SEMA3E: variants seen among roughly 807,000 people sequenced by gnomAD.
The protein encoded by SEMA3E is semaphorin 3E.
In SEMA3E, 49 loss-of-function variants were observed where a neutral mutation model predicts 93.6. That is an observed-to-expected ratio of 0.52 (90% CI 0.42 to 0.66). The LOEUF (loss-of-function observed/expected upper bound fraction) is 0.66. Ranked by LOEUF, SEMA3E falls within the 30% of genes least tolerant of loss-of-function variation. The pLI is 0.00. For synonymous variants in SEMA3E, 363 were observed against 330.7 expected, an observed-to-expected ratio of 1.10 and a Z score of -1.06; for missense variants, 906 against 964.8, an observed-to-expected ratio of 0.94 and a Z score of 0.81.
intron 1 of SEMA3E, among the ~76,000 whole-genome samples, chr7:83,644,497 A>G (rs1445401234): frequency 6.6e-6 from 1 of 152,008 alleles, no homozygotes; most frequent in African/African-American, 2.4e-5. Context: ...CATTAATAAT[A>G]TAAATAGTTT....
chr7:83,628,689 T>C (rs1020236214), intron 1 of SEMA3E, among the ~76,000 whole-genome samples: 3 of 152,034 alleles, frequency 2.0e-5, no homozygotes, highest in African/African-American at 7.2e-5. Flanking sequence ...TCCTGTAACC[T>C]TTTATCAAGG....
rs886670250 is a variant in SEMA3E at position 83,365,677 on chromosome 7, A to C, written c.*1909T>G. On this transcript the variant is annotated 3_prime_UTR_variant, in exon 17 of 17. Transcript: ENST00000643230. ...TGTCTGTGTTATTGCAATTAAAATG[A>C]TAACTATTTATGTCTTATCTGCCTT... The C allele has an allele frequency of 6.6e-6, 1 of 152,152 alleles. No homozygotes were observed. Among genetic ancestry groups the C allele is most frequent in the Non-Finnish European group, 1.5e-5 (1 of 68,012 alleles). The allele number at this position is 152,152 out of a possible 1,614,324, so 9.4% of individuals were successfully genotyped here.
intron 16 of SEMA3E, among the ~76,000 whole-genome samples, chr7:83,374,357 C>T (rs2116901217): frequency 6.6e-6 from 1 of 152,084 alleles, no homozygotes; most frequent in Admixed American, 6.5e-5. Context: ...ACATGAACTG[C>T]TTTGGGAGTC....
chr7:83,604,464 T>C (rs1475887298), intron 1 of SEMA3E, among the ~76,000 whole-genome samples: 1 of 149,968 alleles, frequency 6.7e-6, no homozygotes, highest in Non-Finnish European at 1.5e-5. Flanking sequence ...AATTTTAAAA[T>C]TAACAATTTT....
intron 1 of SEMA3E, among the ~76,000 whole-genome samples, chr7:83,562,755 T>C (rs892119083): frequency 1.3e-5 from 2 of 152,072 alleles, no homozygotes; most frequent in African/African-American, 4.8e-5. Context: ...CTTTAAGTCC[T>C]AGCCTGGGCT....
At chr7:83,493,982 G>A (rs1056546706) in intron 1 of SEMA3E, among the ~76,000 whole-genome samples, 2 of 151,792 alleles carry the variant, frequency 1.3e-5, no homozygotes, top group African/African-American at 4.8e-5. Flanking sequence ...AACTATTTTT[G>A]AAAAGATGTG....
At chr7:83,463,936 T>G (rs946472754) in intron 4 of SEMA3E, among the ~76,000 whole-genome samples, 4 of 152,248 alleles carry the variant, frequency 2.6e-5, no homozygotes, top group African/African-American at 9.6e-5. Context: ...CCTCTTAGTC[T>G]AGGTAGATAC....
At chr7:83,462,661 G>A (rs529518392) in intron 4 of SEMA3E, among the ~76,000 whole-genome samples, 66 of 151,426 alleles carry the variant, frequency 4.4e-4, no homozygotes, top group African/African-American at 1.5e-3. Flanking sequence ...ATCCCATCCC[G>A]CAGCACGCTT....
At chr7:83,490,424 G>A in intron 1 of SEMA3E, 150 bp from the exon 2 acceptor site, 1 of 723,104 alleles carries the variant, frequency 1.4e-6, no homozygotes, top group Non-Finnish European at 2.3e-6. Flanking sequence ...ATTTTAATGT[G>A]CACAAGTTAA....
chr7:83,625,848 T>C (rs934736911), intron 1 of SEMA3E, among the ~76,000 whole-genome samples: 4 of 152,138 alleles, frequency 2.6e-5, no homozygotes, highest in Admixed American at 6.5e-5. Flanking sequence ...GGGTTTGTCA[T>C]AAACAGCTCT....
At chr7:83,577,420 G>T (rs1441085138) in intron 1 of SEMA3E, among the ~76,000 whole-genome samples, 1 of 152,118 alleles carries the variant, frequency 6.6e-6, no homozygotes, top group East Asian at 1.9e-4. Context: ...GACTCAAAAT[G>T]CTACCAGAGG....
At chr7:83,648,211 T>C (rs1794105137) in intron 1 of SEMA3E, among the ~76,000 whole-genome samples, 1 of 152,112 alleles carries the variant, frequency 6.6e-6, no homozygotes, top group Non-Finnish European at 1.5e-5. Flanking sequence ...CATCTCTAAG[T>C]TGACATGTGA....
intron 1 of SEMA3E, among the ~76,000 whole-genome samples, chr7:83,512,710 A>C (rs1353551352): frequency 2.0e-5 from 3 of 152,196 alleles, no homozygotes; most frequent in Non-Finnish European, 4.4e-5. Flanking sequence ...TAAATATCAC[A>C]ACATAGCTAT....
chr7:83,504,194 A>AT (rs1366116282), intron 1 of SEMA3E, among the ~76,000 whole-genome samples: 1 of 152,186 alleles, frequency 6.6e-6, no homozygotes, highest in Admixed American at 6.6e-5. Context: ...TCAATATCAC[A>AT]TTTTTCTCAT....
chr7:83,470,862 CTTT>C (rs60392556), intron 2 of SEMA3E, among the ~76,000 whole-genome samples: 1 of 139,936 alleles, frequency 7.1e-6, no homozygotes, highest in Non-Finnish European at 1.5e-5. Flanking sequence ...CCCACATTTT[CTTT>C]TTTTTTTTTT....
intron 14 of SEMA3E, among the ~76,000 whole-genome samples, chr7:83,389,042 G>C (rs1187644428): frequency 6.6e-6 from 1 of 151,520 alleles, no homozygotes; most frequent in Non-Finnish European, 1.5e-5. Context: ...TTGCTGATTA[G>C]AAAATCTTAC....
At chr7:83,593,928 T>C (rs1256575617) in intron 1 of SEMA3E, among the ~76,000 whole-genome samples, 1 of 152,186 alleles carries the variant, frequency 6.6e-6, no homozygotes, top group African/African-American at 2.4e-5. Flanking sequence ...TAACTATAAT[T>C]ACCTTCATAT....
intron 1 of SEMA3E, among the ~76,000 whole-genome samples, chr7:83,506,291 A>G (rs928626519): frequency 1.3e-5 from 2 of 152,096 alleles, no homozygotes; most frequent in African/African-American, 4.8e-5. Context: ...CAGACTTAAA[A>G]AATAATAAGA....
At chr7:83,572,500 A>G (rs1792307479) in intron 1 of SEMA3E, among the ~76,000 whole-genome samples, 1 of 152,082 alleles carries the variant, frequency 6.6e-6, no homozygotes, top group Non-Finnish European at 1.5e-5. Context: ...TTAGCCAGGC[A>G]TGGTGGCAGC....
Sources: allele counts gnomAD v4.1 joint callset (sites outside exome capture counted in the v4.1 genomes callset), GRCh38; gene constraint gnomAD v4.1.1; transcripts MANE v1.5; gene names NCBI Gene and HGNC (gene_info 2026-07-23, HGNC 2026-07-21).